Variants in UMAD1 observed in about 807,000 individuals in gnomAD.
UMAD1 encodes UBAP1-MVB12-associated (UMA) domain containing 1.
Under a neutral mutation model 6.1 loss-of-function variants are expected in UMAD1, and 8 were observed. The observed-to-expected ratio is 1.30, with a 90% confidence interval of 0.76 to 2.35. The LOEUF is 2.35. Among genes scored for constraint, UMAD1 ranks in the 30% most tolerant of loss-of-function variants. UMAD1 has a pLI of 0.00. For synonymous variants in UMAD1, 56 were observed against 31.4 expected, an observed-to-expected ratio of 1.78 and a Z score of -2.61; for missense variants, 130 against 78.4, an observed-to-expected ratio of 1.66 and a Z score of -2.49.
At chr7:7,652,786 A>T (rs1035950996) in intron 1 of UMAD1, among the ~76,000 whole-genome samples, 2 of 152,238 alleles carry the variant, frequency 1.3e-5, no homozygotes, top group African/African-American at 2.4e-5. Context: ...TTGTTCTTCA[A>T]TGGGGAGGAA....
In UMAD1 at chr7:7,866,475, G is replaced by A. The variant is rs940677710; in HGVS notation, c.157-10806G>A. Among the ~76,000 whole-genome samples, 13 of 152,324 alleles carry A rather than the reference G, an allele frequency of 8.5e-5. No homozygotes were observed. The East Asian group carries it at 2.3e-3, about 27-fold the overall frequency. ...AAAGAGGCTTGTGTGACCTGGAAGG[G>A]CAAATTGAAATAGGCAAGATGAAGG... On this transcript the variant is annotated intron_variant, in intron 3 of 3. Transcript: ENST00000682710.
chr7:7,733,453 C>T (rs190326501), intron 2 of UMAD1, among the ~76,000 whole-genome samples: 1 of 151,804 alleles, frequency 6.6e-6, no homozygotes, highest in Admixed American at 6.6e-5. Flanking sequence ...GAAGGAATTC[C>T]TCCTGCAATT....
intron 3 of UMAD1, among the ~76,000 whole-genome samples, chr7:7,845,651 A>G (rs1783769736): frequency 6.6e-6 from 1 of 152,130 alleles, no homozygotes; most frequent in Non-Finnish European, 1.5e-5. Context: ...TGTTTGTTTC[A>G]TAAATTTGAA....
rs563415371 is a variant in UMAD1, at chr7:7,770,712, C to G, written c.83-30958C>G. ...ATGATTCTTGTGAATTGAGAAAGTA[C>G]AGAATGAGGAGGTGCACATGTACCC... On this transcript the variant is annotated intron_variant, in intron 2 of 3. Transcript: ENST00000682710. Among the ~76,000 whole-genome samples, 5 of 151,920 alleles carry G rather than the reference C, an allele frequency of 3.3e-5. No individual in the cohort carries two copies. The South Asian group carries it at 6.3e-4, about 19-fold the overall frequency.
chr7:7,676,955 C>CAT (rs1029581838), intron 2 of UMAD1, among the ~76,000 whole-genome samples: 1 of 152,042 alleles, frequency 6.6e-6, no homozygotes, highest in Non-Finnish European at 1.5e-5. Flanking sequence ...TCTATACTGA[C>CAT]ATATATAATA....
intron 2 of UMAD1, among the ~76,000 whole-genome samples, chr7:7,713,638 T>C (rs1408002115): frequency 2.6e-5 from 4 of 152,110 alleles, no homozygotes; most frequent in Admixed American, 1.3e-4. Context: ...GGAGTTTATT[T>C]TGTTAGTTTC....
chr7:7,833,140 C>T (rs1336821095), intron 3 of UMAD1, among the ~76,000 whole-genome samples: 3 of 152,124 alleles, frequency 2.0e-5, no homozygotes, highest in Non-Finnish European at 4.4e-5. Context: ...CTTAATTCAG[C>T]TGACACTGTG....
At chr7:7,680,414 C>T (rs1357511306) in intron 2 of UMAD1, among the ~76,000 whole-genome samples, 12 of 151,910 alleles carry the variant, frequency 7.9e-5, no homozygotes, top group East Asian at 3.9e-4. Context: ...GTTTTTATGC[C>T]GGTACTGTGC....
At chr7:7,762,081 A>G (rs1021532899) in intron 2 of UMAD1, among the ~76,000 whole-genome samples, 1 of 152,226 alleles carries the variant, frequency 6.6e-6, no homozygotes, top group Non-Finnish European at 1.5e-5. Context: ...GTAGAAACCT[A>G]TCCTAAATAC....
chr7:7,753,974 G>A (rs1454788041), intron 2 of UMAD1, among the ~76,000 whole-genome samples: 6 of 151,932 alleles, frequency 3.9e-5, no homozygotes, highest in Admixed American at 6.6e-5. Context: ...ACCTGAGGTC[G>A]GGAGTTCGAG....
At chr7:7,789,617 T>TCCCCCC (rs201727587) in intron 2 of UMAD1, among the ~76,000 whole-genome samples, 24 of 101,018 alleles carry the variant, frequency 2.4e-4, no homozygotes, top group African/African-American at 7.8e-4. Context: ...AAATACCCCT[T>TCCCCCC]CTCCCCTCCC....
chr7:7,784,402 C>T (rs1194343396), intron 2 of UMAD1, among the ~76,000 whole-genome samples: 1 of 149,820 alleles, frequency 6.7e-6, no homozygotes, highest in African/African-American at 2.5e-5. Flanking sequence ...GTGGTGCTAC[C>T]TTGGCTCACT....
At position 7,740,450 on chromosome 7, in the gene UMAD1, A is replaced by C. The variant is rs187265108; in HGVS notation, c.83-61220A>C. 2.2e-3 allele frequency among the ~76,000 whole-genome samples: 330 copies of C among 152,356 alleles called. 2 individuals carry two copies. The highest frequency in any genetic ancestry group is 7.7e-3 in the African/African-American group (322 of 41,592). ...ACTGTTATAATTTTAGCTTTATGCT[A>C]CTTTTTATGGTAAGATTGACAAGTT... On this transcript the variant is annotated intron_variant, in intron 2 of 3. Coordinates refer to ENST00000682710, the MANE Select transcript of UMAD1 (RefSeq NM_001302348.2).
chr7:7,655,741 G>C (rs932120050), intron 1 of UMAD1, among the ~76,000 whole-genome samples: 12 of 152,162 alleles, frequency 7.9e-5, no homozygotes, highest in Admixed American at 5.2e-4. Context: ...TGTTAAATTA[G>C]AGGACAGGCT....
At chr7:7,689,321 C>T (rs1780117603) in intron 2 of UMAD1, 1 of 152,108 alleles carries the variant, frequency 6.6e-6, no homozygotes, top group Non-Finnish European at 1.5e-5. Context: ...TCTATCATTG[C>T]CAACTTTGCT....
At chr7:7,842,316 C>G (rs1006807165) in intron 3 of UMAD1, among the ~76,000 whole-genome samples, 2 of 152,042 alleles carry the variant, frequency 1.3e-5, no homozygotes, top group Non-Finnish European at 2.9e-5. Flanking sequence ...TTAGAAATTT[C>G]TACACATAAT....
At chr7:7,680,974 TCCACATA>T (rs1203252367) in intron 2 of UMAD1, among the ~76,000 whole-genome samples, 1 of 152,288 alleles carries the variant, frequency 6.6e-6, no homozygotes, top group East Asian at 1.9e-4. Flanking sequence ...TTAGCATATA[TCCACATA>T]ACTTTTTTTG....
At chr7:7,871,381 G>A (rs1406676831) in intron 3 of UMAD1, among the ~76,000 whole-genome samples, 1 of 152,158 alleles carries the variant, frequency 6.6e-6, no homozygotes, top group East Asian at 1.9e-4. Flanking sequence ...TTGGAATATA[G>A]AGCTTTAATG....
In UMAD1 at chr7:7,731,491, C is replaced by CA. The variant is rs1554321025; in HGVS notation, c.82+58048dup. ...GAAAAGCAAACAAACAACCCCCCCC[C>CA]AAAAAAAAAACACTTCTAGAGGTAT... is the stretch of plus-strand genomic sequence containing the variant. On this transcript the variant is annotated intron_variant, in intron 2 of 3. Coordinates refer to ENST00000682710, the MANE Select transcript of UMAD1 (RefSeq NM_001302348.2). Among the ~76,000 whole-genome samples the CA allele has an allele frequency of 1.5e-3, 198 of 134,564 alleles. 5 individuals are homozygous for CA. Among genetic ancestry groups the CA allele is most frequent in the East Asian group, 3.5e-3 (16 of 4,582 alleles). The allele number at this position is 134,564 out of a possible 152,430, so 88.3% of individuals were successfully genotyped here.
Sources: gnomAD v4.1 joint callset for allele counts (sites outside exome capture counted in the v4.1 genomes callset) on GRCh38, gnomAD v4.1.1 for gene constraint, MANE v1.5 for transcripts, NCBI Gene and HGNC (gene_info 2026-07-23, HGNC 2026-07-21) for gene names.